The following MAP3K20 variants were observed in gnomAD, a reference collection of about 807,000 sequenced individuals.
MAP3K20 encodes the protein HCCS-4.
Under a neutral mutation model 85.7 loss-of-function variants are expected in MAP3K20, and 40 were observed. That is an observed-to-expected ratio of 0.47 (90% CI 0.36 to 0.61). The LOEUF (loss-of-function observed/expected upper bound fraction) is 0.61, where lower values mean the gene tolerates loss of function less well. Ranked by LOEUF, MAP3K20 falls within the 20% of genes least tolerant of loss-of-function variation. The pLI, the probability that MAP3K20 is intolerant of heterozygous loss-of-function variation, is 0.00. For synonymous variants in MAP3K20, 325 were observed against 327.7 expected (o/e 0.99, Z 0.09); for missense variants, 817 against 961.7 (o/e 0.85, Z 1.99).
intron 2 of MAP3K20, among the ~76,000 whole-genome samples, chr2:173,111,669 GT>G (rs1349684814): frequency 1.3e-5 from 2 of 152,096 alleles, no homozygotes; most frequent in African/African-American, 2.4e-5. Context: ...AGCACCATTT[GT>G]TGAAAAGGGT....
intron 1 of MAP3K20, among the ~76,000 whole-genome samples, chr2:173,085,099 C>G (rs1687110200): frequency 1.3e-5 from 2 of 152,150 alleles, no homozygotes; most frequent in African/African-American, 4.8e-5. Context: ...ATTTATGCAT[C>G]TGGAAATGCC....
At chr2:173,099,037 A>G (rs1382920236) in intron 2 of MAP3K20, among the ~76,000 whole-genome samples, 4 of 152,204 alleles carry the variant, frequency 2.6e-5, no homozygotes, top group Non-Finnish European at 4.4e-5. Flanking sequence ...CTAAATACAG[A>G]CAGTATAACT....
chr2:173,195,190 A>G (rs896677666), intron 7 of MAP3K20, among the ~76,000 whole-genome samples: 1 of 60,572 alleles, frequency 1.7e-5, no homozygotes, highest in Admixed American at 1.6e-4. Flanking sequence ...CCTCTCTTTA[A>G]AAAAAAAAAA....
At chr2:173,135,212 A>C (rs1005929861) in intron 2 of MAP3K20, among the ~76,000 whole-genome samples, 1 of 152,264 alleles carries the variant, frequency 6.6e-6, no homozygotes, top group Non-Finnish European at 1.5e-5. Flanking sequence ...TTACAAGTAC[A>C]TAAAGAGCAT....
intron 2 of MAP3K20, among the ~76,000 whole-genome samples, chr2:173,102,884 G>A (rs1687673671): frequency 6.6e-6 from 1 of 151,948 alleles, no homozygotes; most frequent in Non-Finnish European, 1.5e-5. Flanking sequence ...GACCAGCCTG[G>A]CCAAAACCCT....
At chr2:173,196,769 G>A (rs184468871) in intron 7 of MAP3K20, among the ~76,000 whole-genome samples, 8 of 152,196 alleles carry the variant, frequency 5.3e-5, no homozygotes, top group Admixed American at 4.6e-4. Flanking sequence ...AATCTGAGTC[G>A]AAGCCACTGG....
chr2:173,187,671 A>G, intron 5 of MAP3K20, 48 bp downstream of exon 5: 5 of 1,467,250 alleles, frequency 3.4e-6, no homozygotes, highest in South Asian at 1.2e-5. Context: ...CAAATTACAT[A>G]CACTTGCATG....
At chr2:173,203,008 T>C (rs146941041) in intron 8 of MAP3K20, among the ~76,000 whole-genome samples, 208 of 152,348 alleles carry the variant, frequency 1.4e-3, no homozygotes, top group African/African-American at 5.0e-3. Context: ...CTTACATGAA[T>C]GTAAATGGGG....
At chr2:173,230,315 G>GA (rs1017440775) in intron 12 of MAP3K20, among the ~76,000 whole-genome samples, 2 of 151,720 alleles carry the variant, frequency 1.3e-5, no homozygotes, top group Non-Finnish European at 2.9e-5. Flanking sequence ...GAACATACTT[G>GA]AAAAAAAAGT....
chr2:173,163,218 A>G (rs971934948), intron 2 of MAP3K20, among the ~76,000 whole-genome samples: 1 of 152,230 alleles, frequency 6.6e-6, no homozygotes, highest in Non-Finnish European at 1.5e-5. Flanking sequence ...AGATTATTTT[A>G]TCACCCAGGT....
chr2:173,177,017 A>G (rs1690179802), intron 3 of MAP3K20, among the ~76,000 whole-genome samples: 1 of 152,242 alleles, frequency 6.6e-6, no homozygotes, highest in Non-Finnish European at 1.5e-5. Flanking sequence ...GGAAATGTAT[A>G]CACACCTAAA....
intron 5 of MAP3K20, among the ~76,000 whole-genome samples, chr2:173,188,897 A>G (rs1690569632): frequency 6.6e-6 from 1 of 152,196 alleles, no homozygotes; most frequent in Non-Finnish European, 1.5e-5. Context: ...CAGAATTTCA[A>G]TTTAACTATG....
chr2:173,220,794 T>C (rs1684223134), intron 11 of MAP3K20, among the ~76,000 whole-genome samples: 1 of 152,214 alleles, frequency 6.6e-6, no homozygotes, highest in Non-Finnish European at 1.5e-5. Context: ...AATGGTCAAC[T>C]AAATGTTTCC....
intron 2 of MAP3K20, among the ~76,000 whole-genome samples, chr2:173,095,446 G>A (rs553812254): frequency 3.9e-5 from 6 of 152,210 alleles, no homozygotes; most frequent in African/African-American, 1.4e-4. Context: ...CAGAAATTAT[G>A]GTTACAGAGA....
chr2:173,210,971 T>C (rs1028545447), intron 10 of MAP3K20: 2 of 152,236 alleles, frequency 1.3e-5, no homozygotes, highest in African/African-American at 4.8e-5. Context: ...ACAAAAATTA[T>C]ACAGTGAGCT....
Position 173,225,084 on chromosome 2 carries a change from ATCT to A in MAP3K20, c.988-4603_988-4601del, listed in dbSNP as rs1486250055. On this transcript the variant is annotated intron_variant, in intron 11 of 19. Coordinates refer to ENST00000375213, the MANE Select transcript of MAP3K20 (RefSeq NM_016653.3). ...TGCAACTGAAAATGTCTCACCTTTC[ATCT>A]TTTTTTCTTAATTCATAAAGTTATC... is the stretch of plus-strand genomic sequence containing the variant. 4 of 985,148 alleles carry A rather than the reference ATCT, an allele frequency of 4.1e-6. No individual in the cohort carries two copies. The East Asian group carries it at 3.4e-4, about 84-fold the overall frequency. The allele number at this position is 985,148 out of a possible 1,614,324, so 61.0% of individuals were successfully genotyped here.
intron 2 of MAP3K20, among the ~76,000 whole-genome samples, chr2:173,101,053 A>G (rs532738927): frequency 6.6e-6 from 1 of 152,302 alleles, no homozygotes; most frequent in African/African-American, 2.4e-5. Flanking sequence ...TGTATTACTG[A>G]TATGTCTGAA....
intron 1 of MAP3K20, among the ~76,000 whole-genome samples, chr2:173,090,171 G>T (rs1376485891): frequency 6.6e-6 from 1 of 152,126 alleles, no homozygotes. Flanking sequence ...TTTTGTGTTT[G>T]TAAGTCTCAC....
At chr2:173,196,953 A>G (rs1298727884) in intron 7 of MAP3K20, among the ~76,000 whole-genome samples, 3 of 65,606 alleles carry the variant, frequency 4.6e-5, no homozygotes, top group Non-Finnish European at 1.1e-4. Flanking sequence ...GTCTTTGGGC[A>G]AGTTTTTTTT....
Sources: gnomAD v4.1 joint callset for allele counts (sites outside exome capture counted in the v4.1 genomes callset) on GRCh38, gnomAD v4.1.1 for gene constraint, MANE v1.5 for transcripts, NCBI Gene and HGNC (gene_info 2026-07-23, HGNC 2026-07-21) for gene names.